The following FER1L5 variants were observed in gnomAD, a reference collection of about 807,000 sequenced individuals.
The protein encoded by FER1L5 is fer-1 like family member 5, also known as fer-1-like protein 5.
Under a neutral mutation model 279.9 loss-of-function variants are expected in FER1L5, and 187 were observed. The ratio of observed to expected loss-of-function variants is 0.67; its 90% CI spans 0.59 to 0.75. FER1L5 has a LOEUF of 0.75. Among genes scored for constraint, FER1L5 ranks in the 30% least tolerant of loss-of-function variants. The pLI is 0.00. For missense variants in FER1L5, 2,091 were observed against 2,594.4 expected (o/e 0.81, Z 4.21); for synonymous variants, 921 against 989.7 (o/e 0.93, Z 1.30).
intron 11 of FER1L5, 40 bp from the exon 12 acceptor site, chr2:96,661,628 C>T: frequency 6.4e-7 from 1 of 1,550,998 alleles, no homozygotes; most frequent in Non-Finnish European, 8.7e-7. Context: ...CCTGTGACCT[C>T]CCCATTACCT....
intron 19 of FER1L5, among the ~76,000 whole-genome samples, chr2:96,676,072 A>G (rs2076499807): frequency 6.6e-6 from 1 of 152,048 alleles, no homozygotes; most frequent in African/African-American, 2.4e-5. Context: ...ATTTGACTTA[A>G]TTTTTGCATA....
In FER1L5 at chr2:96,662,458, C is replaced by T. The variant is rs116572810; in HGVS notation, c.1071+191C>T. ...CTTATTCTCTGCATGCCAGATGCCC[C>T]CCAAAAACCAAATACACGTGGAAGA... On this transcript the variant is annotated intron_variant, in intron 13 of 52. Transcript: ENST00000624922. Among the ~76,000 whole-genome samples the T allele has an allele frequency of 4.2e-3, 633 of 152,092 alleles. 1 individual carries two copies. The highest frequency in any genetic ancestry group is 7.3e-3 in the Non-Finnish European group (493 of 67,974).
In FER1L5 at chr2:96,697,734, C is replaced by G. The variant is rs1049272674; in HGVS notation, c.4209C>G (p.Tyr1403Ter). The G allele has an allele frequency of 6.2e-7, 1 of 1,613,990 alleles. No individual in the cohort carries two copies. The highest frequency in any genetic ancestry group is 8.5e-7 in the Non-Finnish European group (1 of 1,179,884). ...CAGATGAGCACAAGTCCCTGAAGTA[C>G]AAGTACAAAGACTACCACACCCTCA... ...WATDEHKSLK[Y>*]KYKDYHTLKV... is the part of the protein sequence containing the mutation. Residue 1403 changes from tyrosine (Y) to a stop codon, truncating the protein, a stop_gained, in exon 39 of 53, where the codon TAC (tyrosine) becomes TAG (stop). Coordinates refer to ENST00000624922, the MANE Select transcript of FER1L5 (RefSeq NM_001293083.2). LOFTEE classifies it high-confidence loss of function.
rs754791525 is a variant in FER1L5, at chr2:96,650,222, G to A, written c.437G>A (p.Ser146Asn). 5.2e-6 allele frequency: 8 copies of A among 1,551,626 alleles called. No individual in the cohort carries two copies. The highest frequency in any genetic ancestry group is 7.0e-6 in the Non-Finnish European group (8 of 1,147,008). Reference sequence around the variant, plus strand: ...GGCATAACGGCAAGAGAGGCAGCCAGTCAGAAACTGATGGTCCCTGGCTCC... The same window carrying A: ...GGCATAACGGCAAGAGAGGCAGCCAATCAGAAACTGATGGTCCCTGGCTCC... ...HLGITAREAA[S>N]QKLMVPGSTA... The change falls in exon 6 of 53, where the codon AGT becomes AAT. Residue 146 changes from serine (S) to asparagine (N), a missense_variant. Physicochemically the swap from Ser to Asn is conservative, Grantham distance 46. Coordinates refer to ENST00000624922, the MANE Select transcript of FER1L5 (RefSeq NM_001293083.2).
chr2:96,702,144 T>TCTCTATTGGGAAGAGAGGAAG lies in FER1L5; in HGVS notation c.5159+107_5159+127dup, dbSNP rs2077607112. The stretch of plus-strand genomic sequence containing the variant: ...AGGTACTGAGCTGCAGTAATTCGTT[T>TCTCTATTGGGAAGAGAGGAAG]CTCTATTGGGAAGAGAGGAAGCTCT... On this transcript the variant is annotated intron_variant, in intron 46 of 52. Transcript: ENST00000624922. The surrounding 1 kb of genome is among the most constrained non-coding windows in gnomAD (Gnocchi z 4.0). 3.8e-6 allele frequency: 6 copies of TCTCTATTGGGAAGAGAGGAAG among 1,571,442 alleles called. No homozygotes were observed. The highest frequency in any genetic ancestry group is 5.2e-6 in the Non-Finnish European group (6 of 1,153,994).
chr2:96,686,855 CAAAAAAAAAAA>C (rs58724485), intron 23 of FER1L5, among the ~76,000 whole-genome samples: 5 of 41,162 alleles, frequency 1.2e-4, no homozygotes, highest in Non-Finnish European at 2.7e-4. Context: ...GACTCCGTCT[CAAAAAAAAAAA>C]AAAAAAAAAA....
Position 96,697,774 on chromosome 2 carries a change from G to A in FER1L5, c.4236+13G>A, listed in dbSNP as rs764397812. ...CCACACCCTCAAGGTTTGAAGGAGG[G>A]AAGAAATGGGATGGAATCAAATCTC... On this transcript the variant is annotated intron_variant, in intron 39 of 52. Transcript: ENST00000624922. The A allele has an allele frequency of 3.7e-6, 6 of 1,612,684 alleles. No homozygotes were observed. Among genetic ancestry groups the A allele is most frequent in the Non-Finnish European group, 5.1e-6 (6 of 1,178,914 alleles).
intron 19 of FER1L5, among the ~76,000 whole-genome samples, chr2:96,677,383 AAT>A (rs1431330163): frequency 3.9e-5 from 6 of 152,238 alleles, no homozygotes; most frequent in Non-Finnish European, 8.8e-5. Flanking sequence ...GAAATTATAC[AAT>A]ATGTCATCTT....
chr2:96,698,711 C>T lies in FER1L5; in HGVS notation c.4397C>T (p.Ala1466Val), dbSNP rs1185869757. The T allele has an allele frequency of 1.3e-6, 2 of 1,584,076 alleles. No homozygotes were observed. Among genetic ancestry groups the T allele is most frequent in the Admixed American group, 1.8e-5 (1 of 55,560 alleles). The change falls in exon 41 of 53, where the codon GCC (alanine) becomes GTC (valine). Residue 1466 changes from alanine (A) to valine (V), a missense_variant. Coordinates refer to ENST00000624922, the MANE Select transcript of FER1L5 (RefSeq NM_001293083.2). The surrounding 1 kb of genome is among the most constrained non-coding windows in gnomAD (Gnocchi z 5.5). ...RIYPFPENPE[A>V]PKPPLQFLVW... ...TACCCCTTTCCTGAGAATCCAGAAG[C>T]CCCAAAGCCCCCGCTGCAGTTCTTG...
rs1479042796 is a variant in FER1L5 at position 96,689,455 on chromosome 2, G to C, written c.2525+79G>C. On this transcript the variant is annotated intron_variant, in intron 25 of 52. Coordinates refer to ENST00000624922, the MANE Select transcript of FER1L5 (RefSeq NM_001293083.2). This position sits in a 1 kb window ranked among gnomAD's most constrained non-coding sequence, Gnocchi z 4.6. The stretch of plus-strand genomic sequence containing the variant: ...CAGTCCGCGGCAGCCCAGAAAGATG[G>C]GTACCTAGCCCCTAAGCCTGGTGCC... The C allele has an allele frequency of 5.2e-6, 8 of 1,528,330 alleles. No individual in the cohort carries two copies. The African/African-American group carries it at 8.3e-5, about 16-fold the overall frequency. 94.7% of individuals were successfully genotyped at this position (1,528,330 alleles called of 1,614,324 possible). A position where few individuals can be genotyped will look rare whatever the true frequency, so the allele number is the denominator to read the frequency against.
intron 51 of FER1L5, among the ~76,000 whole-genome samples, 177 bp downstream of exon 51, chr2:96,703,809 CTTTTTTTT>C (rs35497973): frequency 3.4e-5 from 3 of 89,480 alleles, no homozygotes; most frequent in East Asian, 3.0e-4. Flanking sequence ...CAAAAGTTGC[CTTTTTTTT>C]TTTTTTTTTT....
intron 20 of FER1L5, 107 bp from the exon 21 acceptor site, chr2:96,685,222 T>C: frequency 1.0e-6 from 1 of 955,538 alleles, no homozygotes; most frequent in South Asian, 1.5e-5. Context: ...CCCTCAAAGT[T>C]CCCAAGGTCG....
intron 19 of FER1L5, among the ~76,000 whole-genome samples, chr2:96,674,551 C>T (rs552097283): frequency 6.6e-6 from 1 of 152,124 alleles, no homozygotes; most frequent in Non-Finnish European, 1.5e-5. Context: ...GTAGATGTTC[C>T]TATTCCAGAC....
At position 96,687,988 on chromosome 2, in the gene FER1L5, G is replaced by C; in HGVS notation, c.2361+41G>C. On this transcript the variant is annotated intron_variant, in intron 24 of 52. Transcript: ENST00000624922. ...CAGCCCAAGGCCAGGGCAGGCACGC[G>C]GGGGTGGGGGTAGGGTGGCCTCGTA... The C allele has an allele frequency of 6.5e-6, 10 of 1,547,568 alleles. No homozygotes were observed. In the South Asian group the frequency reaches 8.3e-5, roughly 13 times the overall value.
chr2:96,675,567 C>T (rs1300224525), intron 19 of FER1L5, among the ~76,000 whole-genome samples: 2 of 152,192 alleles, frequency 1.3e-5, no homozygotes, highest in Non-Finnish European at 2.9e-5. Flanking sequence ...GCTGGGATTA[C>T]AGGCGCCTGC....
Position 96,702,384 on chromosome 2 carries a change from C to A in FER1L5, c.5238C>A (p.Ser1746Arg). The A allele has an allele frequency of 1.9e-6, 3 of 1,612,218 alleles. No individual in the cohort carries two copies. Among genetic ancestry groups the A allele is most frequent in the East Asian group, 2.2e-5 (1 of 44,852 alleles). Residue 1746 changes from serine to arginine, a missense_variant, in exon 47 of 53, where the codon AGC becomes AGA. By Grantham distance (110) the Ser-to-Arg change is moderately radical (BLOSUM62 -1). Transcript: ENST00000624922. The surrounding 1 kb of genome is among the most constrained non-coding windows in gnomAD (Gnocchi z 4.0). ...ACAATTTAAGTAGAGAGAAGACGAGCGACATCTACATCAAAGGGTAGGGAA... is the reference window on the plus strand; with the variant it reads ...ACAATTTAAGTAGAGAGAAGACGAGAGACATCTACATCAAAGGGTAGGGAA... Reference protein sequence around the residue: ...VDDNLSREKTSDIYIKGWLYG... With the variant: ...VDDNLSREKTRDIYIKGWLYG...
intron 23 of FER1L5, 139 bp from the exon 24 acceptor site, chr2:96,687,677 A>T: frequency 2.3e-6 from 3 of 1,319,476 alleles, no homozygotes; most frequent in Non-Finnish European, 3.1e-6. Flanking sequence ...ATTCACTTAC[A>T]GCTCCAGCAC....
chr2:96,676,176 T>C (rs546853335), intron 19 of FER1L5, among the ~76,000 whole-genome samples: 1 of 152,344 alleles, frequency 6.6e-6, no homozygotes, highest in South Asian at 2.1e-4. Context: ...CAGTCCCACA[T>C]TGAATTACTT....
Position 96,654,486 on chromosome 2 carries a change from G to C in FER1L5, c.737G>C (p.Gly246Ala), listed in dbSNP as rs2075513915. ...GCAATGAGATACAAAGCAGAGATCG[G>C]GAGATTTCAAGTGAGTACTGTACAT... Reference protein sequence around the residue: ...SSAMRYKAEIGRFQTDIGFIY... With the variant: ...SSAMRYKAEIARFQTDIGFIY... The change falls in exon 9 of 53, where the codon GGG (glycine) becomes GCG (alanine). Residue 246 changes from glycine (G) to alanine (A), a missense_variant. Coordinates refer to ENST00000624922, the MANE Select transcript of FER1L5 (RefSeq NM_001293083.2). 2.5e-6 allele frequency: 1 copy of C among 399,050 alleles called. No homozygotes were observed. The highest frequency in any genetic ancestry group is 4.4e-6 in the Non-Finnish European group (1 of 226,064). 24.7% of individuals were successfully genotyped at this position (399,050 alleles called of 1,614,324 possible).
Sources: allele counts gnomAD v4.1 joint callset (sites outside exome capture counted in the v4.1 genomes callset), GRCh38; gene constraint gnomAD v4.1.1; non-coding constraint Gnocchi (gnomAD v3.1); transcripts MANE v1.5; gene names NCBI Gene and HGNC (gene_info 2026-07-23, HGNC 2026-07-21).